Variants in FZD3 observed in about 807,000 individuals in gnomAD.
FZD3 encodes frizzled-3.
A neutral mutation model predicts 60.7 loss-of-function variants in FZD3; 30 were observed. The ratio of observed to expected loss-of-function variants is 0.49; its 90% CI spans 0.37 to 0.67. FZD3 has a LOEUF of 0.67. Among genes scored for constraint, FZD3 ranks in the 30% least tolerant of loss-of-function variants. The pLI, the probability that FZD3 is intolerant of heterozygous loss-of-function variation, is 0.00. For synonymous variants in FZD3, 246 were observed against 275.2 expected, an observed-to-expected ratio of 0.89 and a Z score of 1.05; for missense variants, 605 against 838.7, an observed-to-expected ratio of 0.72 and a Z score of 3.44.
intron 5 of FZD3, among the ~76,000 whole-genome samples, chr8:28,540,090 A>G (rs1015696736): frequency 9.9e-5 from 15 of 152,152 alleles, no homozygotes; most frequent in Admixed American, 2.0e-4. Flanking sequence ...TTCAGAAGAT[A>G]GTGAATGTAG....
At chr8:28,512,047 G>A (rs1370961477) in intron 3 of FZD3, among the ~76,000 whole-genome samples, 1 of 152,136 alleles carries the variant, frequency 6.6e-6, no homozygotes, top group East Asian at 1.9e-4. Context: ...TGTGGTTGGT[G>A]GGGATGGTGA....
At chr8:28,497,202 G>A (rs1803866952) in intron 1 of FZD3, among the ~76,000 whole-genome samples, 1 of 152,168 alleles carries the variant, frequency 6.6e-6, no homozygotes, top group African/African-American at 2.4e-5. Context: ...GGAAGATTAA[G>A]TTATTTGTTG....
chr8:28,508,564 G>A (rs184452010), intron 3 of FZD3, among the ~76,000 whole-genome samples: 41 of 151,782 alleles, frequency 2.7e-4, no homozygotes, highest in African/African-American at 9.7e-4. Context: ...GTAGTGGCAC[G>A]ATCACAGCTC....
chr8:28,538,123 A>G (rs1805066212), intron 5 of FZD3, among the ~76,000 whole-genome samples: 1 of 148,426 alleles, frequency 6.7e-6, no homozygotes, highest in African/African-American at 2.4e-5. Flanking sequence ...TGTCTCCAAA[A>G]TAATAATAAT....
At chr8:28,521,305 A>G (rs772910552) in intron 4 of FZD3, among the ~76,000 whole-genome samples, 16 of 152,298 alleles carry the variant, frequency 1.1e-4, no homozygotes, top group African/African-American at 1.7e-4. Context: ...TACATGCAGT[A>G]TATCGACTAT....
At chr8:28,505,443 C>T (rs1284205993) in intron 3 of FZD3, among the ~76,000 whole-genome samples, 1 of 152,124 alleles carries the variant, frequency 6.6e-6, no homozygotes, top group Non-Finnish European at 1.5e-5. Context: ...CCTCAACCTC[C>T]CAGGCTCAGG....
rs1175417058 is a variant in FZD3, at chr8:28,571,984, G to C, written c.*8973G>C. On this transcript the variant is annotated 3_prime_UTR_variant, in exon 8 of 8. Transcript: ENST00000240093. Reference sequence around the variant, plus strand: ...GTATCATAATTAATAGTAATTATGAGTTATTTCACTCTCTGTAATTTGTGA... The same window carrying C: ...GTATCATAATTAATAGTAATTATGACTTATTTCACTCTCTGTAATTTGTGA... 2 of 152,098 alleles carry C rather than the reference G, an allele frequency of 1.3e-5. No individual in the cohort carries two copies. Among genetic ancestry groups the C allele is most frequent in the African/African-American group, 4.8e-5 (2 of 41,416 alleles). 9.4% of individuals were successfully genotyped at this position (152,098 alleles called of 1,614,324 possible).
At chr8:28,549,055 A>G (rs1454608188) in intron 5 of FZD3, among the ~76,000 whole-genome samples, 2 of 152,226 alleles carry the variant, frequency 1.3e-5, no homozygotes, top group African/African-American at 4.8e-5. Flanking sequence ...GAAGTCCAGG[A>G]TGAAGGTGCT....
intron 7 of FZD3, 62 bp from the exon 8 acceptor site, chr8:28,562,736 T>C (rs1460600804): frequency 3.1e-6 from 3 of 978,466 alleles, no homozygotes; most frequent in Non-Finnish European, 4.8e-6. Flanking sequence ...ATGAAAATTA[T>C]TAGTGTTATT....
At chr8:28,543,442 G>T (rs987535204) in intron 5 of FZD3, among the ~76,000 whole-genome samples, 2 of 151,894 alleles carry the variant, frequency 1.3e-5, no homozygotes, top group Non-Finnish European at 2.9e-5. Context: ...GTGCAGTGGC[G>T]CAGTCTCGGC....
chr8:28,540,699 C>A (rs1805142801), intron 5 of FZD3, among the ~76,000 whole-genome samples: 1 of 152,142 alleles, frequency 6.6e-6, no homozygotes. Flanking sequence ...AATCCTAGCA[C>A]TTTGGGAGGC....
At chr8:28,540,424 A>G (rs1805134464) in intron 5 of FZD3, among the ~76,000 whole-genome samples, 1 of 152,046 alleles carries the variant, frequency 6.6e-6, no homozygotes, top group African/African-American at 2.4e-5. Context: ...ACAGGGTTTC[A>G]CCATATTGGT....
At chr8:28,550,479 A>T (rs1355610723) in intron 5 of FZD3, among the ~76,000 whole-genome samples, 5,222 of 54,562 alleles carry the variant, frequency 0.096, no homozygotes, top group Middle Eastern at 0.21. Flanking sequence ...TTCTTCTTTT[A>T]TCTTTTTTTT....
chr8:28,536,851 T>C (rs760647312), intron 5 of FZD3, among the ~76,000 whole-genome samples: 1 of 152,226 alleles, frequency 6.6e-6, no homozygotes, highest in African/African-American at 2.4e-5. Context: ...TAATTTGTTA[T>C]GATTTTAGCT....
chr8:28,501,774 T>G (rs1804000561), intron 2 of FZD3, among the ~76,000 whole-genome samples: 1 of 152,256 alleles, frequency 6.6e-6, no homozygotes, highest in Non-Finnish European at 1.5e-5. Context: ...ATTCTTATTT[T>G]TCCTGTGACT....
At chr8:28,535,515 TC>T (rs1461996800) in intron 5 of FZD3, among the ~76,000 whole-genome samples, 1 of 152,214 alleles carries the variant, frequency 6.6e-6, no homozygotes, top group Non-Finnish European at 1.5e-5. Flanking sequence ...CTCCTTGGCC[TC>T]CTCTTGGCTA....
At chr8:28,553,767 T>C (rs1001703827) in intron 6 of FZD3, among the ~76,000 whole-genome samples, 3 of 152,194 alleles carry the variant, frequency 2.0e-5, no homozygotes, top group African/African-American at 7.2e-5. Context: ...GTGGGCACCC[T>C]TTGGCTATTT....
intron 5 of FZD3, among the ~76,000 whole-genome samples, chr8:28,534,302 T>C (rs1262468614): frequency 6.6e-6 from 1 of 152,234 alleles, no homozygotes; most frequent in Non-Finnish European, 1.5e-5. Context: ...ATTCACATTG[T>C]GCAACCATCA....
intron 5 of FZD3, among the ~76,000 whole-genome samples, chr8:28,549,266 C>T (rs1805360478): frequency 1.3e-5 from 2 of 152,130 alleles, no homozygotes; most frequent in South Asian, 2.1e-4. Context: ...GGCCCCACCT[C>T]CAAATACAGT....
Sources: allele counts gnomAD v4.1 joint callset (sites outside exome capture counted in the v4.1 genomes callset), GRCh38; gene constraint gnomAD v4.1.1; transcripts MANE v1.5; gene names NCBI Gene and HGNC (gene_info 2026-07-23, HGNC 2026-07-21).